Variants in TPST1 observed in about 807,000 individuals in gnomAD.
TPST1 encodes tyrosylprotein sulfotransferase 1, also known as protein-tyrosine sulfotransferase 1.
Under a neutral mutation model 34.8 loss-of-function variants are expected in TPST1, and 20 were observed. The ratio of observed to expected loss-of-function variants is 0.57; its 90% CI spans 0.40 to 0.84. The LOEUF (loss-of-function observed/expected upper bound fraction) is 0.84. Among genes scored for constraint, TPST1 ranks in the 40% least tolerant of loss-of-function variants. The probability of loss-of-function intolerance (pLI) is 0.00; values close to 1 mark genes in which losing one functional copy is unlikely to be tolerated. For synonymous variants in TPST1, 152 were observed against 159.4 expected, an observed-to-expected ratio of 0.95 and a Z score of 0.35; for missense variants, 353 against 455.5, an observed-to-expected ratio of 0.78 and a Z score of 2.05.
intron 3 of TPST1, among the ~76,000 whole-genome samples, chr7:66,351,549 A>G (rs143718664): frequency 6.6e-6 from 1 of 152,216 alleles, no homozygotes; most frequent in East Asian, 1.9e-4. Context: ...ATAGTAATGT[A>G]TCGATATCTG....
chr7:66,206,350 C>A (rs146157996), intron 1 of TPST1, among the ~76,000 whole-genome samples: 1 of 152,088 alleles, frequency 6.6e-6, no homozygotes, highest in South Asian at 2.1e-4. Context: ...ACACAGTAGG[C>A]CTGGCACATG....
In TPST1 at chr7:66,309,221, T is replaced by C. The variant is rs1791482829; in HGVS notation, c.1044+22512T>C. On this transcript the variant is annotated intron_variant, in intron 3 of 5. Coordinates refer to ENST00000304842, the MANE Select transcript of TPST1 (RefSeq NM_003596.4). ...GCTTGAACAACTTTTATTTACAGTA[T>C]ACCAAGGAGGTTCTGGCATCTAAGC... Among the ~76,000 whole-genome samples the C allele has an allele frequency of 2.0e-5, 3 of 152,136 alleles. No individual in the cohort carries two copies. The South Asian group carries it at 6.2e-4, about 31-fold the overall frequency.
chr7:66,282,175 G>C (rs545203363), intron 2 of TPST1, among the ~76,000 whole-genome samples: 1 of 152,266 alleles, frequency 6.6e-6, no homozygotes, highest in South Asian at 2.1e-4. Context: ...GAAGGAATAG[G>C]GGAGATTTAA....
chr7:66,264,156 G>T (rs551650793), intron 2 of TPST1, among the ~76,000 whole-genome samples: 1 of 152,140 alleles, frequency 6.6e-6, no homozygotes, highest in Non-Finnish European at 1.5e-5. Flanking sequence ...TTCTGAGATC[G>T]GGGAGGACAG....
chr7:66,305,046 T>G (rs779887873), intron 3 of TPST1, among the ~76,000 whole-genome samples: 9 of 152,168 alleles, frequency 5.9e-5, no homozygotes, highest in Non-Finnish European at 1.3e-4. Context: ...CTTGAACTCC[T>G]GGCCTCAAGC....
intron 2 of TPST1, among the ~76,000 whole-genome samples, chr7:66,286,145 CTG>C (rs1232637366): frequency 3.3e-5 from 5 of 152,150 alleles, no homozygotes; most frequent in Non-Finnish European, 4.4e-5. Flanking sequence ...ATCCATCAGT[CTG>C]TCTTTTTTTT....
chr7:66,244,866 AAG>A (rs749786943), intron 2 of TPST1, among the ~76,000 whole-genome samples: 8 of 152,212 alleles, frequency 5.3e-5, no homozygotes, highest in Admixed American at 6.5e-5. Context: ...TTAGGGCAGA[AAG>A]AGAATATAGC....
chr7:66,296,676 G>GTTTTTT (rs55888171), intron 3 of TPST1, among the ~76,000 whole-genome samples: 3,604 of 91,836 alleles, frequency 0.039, 93 homozygotes, highest in Non-Finnish European at 0.056. Flanking sequence ...TACTGGGTTG[G>GTTTTTT]TTTTTTTTTT....
chr7:66,211,073 T>C (rs1789233949), intron 1 of TPST1, among the ~76,000 whole-genome samples: 1 of 152,120 alleles, frequency 6.6e-6, no homozygotes, highest in Non-Finnish European at 1.5e-5. Context: ...CATTTACCTA[T>C]TAAAGGAGTT....
intron 1 of TPST1, among the ~76,000 whole-genome samples, chr7:66,212,919 A>G (rs948224722): frequency 1.3e-5 from 2 of 152,130 alleles, no homozygotes; most frequent in Non-Finnish European, 2.9e-5. Flanking sequence ...CTTTTTTCAG[A>G]TAAGAAACCC....
At chr7:66,250,182 A>T (rs1427698297) in intron 2 of TPST1, among the ~76,000 whole-genome samples, 1 of 152,006 alleles carries the variant, frequency 6.6e-6, no homozygotes, top group Non-Finnish European at 1.5e-5. Flanking sequence ...TGTGTGCCTT[A>T]TCTCATTTAG....
At chr7:66,342,809 G>A (rs1336432630) in intron 3 of TPST1, among the ~76,000 whole-genome samples, 1 of 152,160 alleles carries the variant, frequency 6.6e-6, no homozygotes, top group African/African-American at 2.4e-5. Context: ...TCACTCACAA[G>A]TGCAGGGACA....
rs36105944 is a variant in TPST1 at position 66,250,947 on chromosome 7, A to T, written c.845+9677A>T. Among the ~76,000 whole-genome samples the T allele has an allele frequency of 4.2e-3, 647 of 152,340 alleles. 2 individuals carry two copies. Among genetic ancestry groups the T allele is most frequent in the Admixed American group, 7.5e-3 (115 of 15,302 alleles). On this transcript the variant is annotated intron_variant, in intron 2 of 5. Coordinates refer to ENST00000304842, the MANE Select transcript of TPST1 (RefSeq NM_003596.4). ...TGAACAAAGGGATGATTTACATCCC[A>T]GTCTAGACAGAGTGAGACAATGTTA...
chr7:66,218,988 C>A (rs1439095633), intron 1 of TPST1, among the ~76,000 whole-genome samples: 1 of 151,262 alleles, frequency 6.6e-6, no homozygotes, highest in Non-Finnish European at 1.5e-5. Flanking sequence ...TTAAGCAATT[C>A]TTTTGCCTCA....
At chr7:66,217,105 CTAA>C (rs1789438437) in intron 1 of TPST1, among the ~76,000 whole-genome samples, 1 of 152,106 alleles carries the variant, frequency 6.6e-6, no homozygotes, top group African/African-American at 2.4e-5. Flanking sequence ...GTTCGAAAGC[CTAA>C]CACATGGTCT....
At chr7:66,258,995 T>TGAAG (rs1790433809) in intron 2 of TPST1, among the ~76,000 whole-genome samples, 1 of 152,254 alleles carries the variant, frequency 6.6e-6, no homozygotes, top group African/African-American at 2.4e-5. Flanking sequence ...CTTAGTGTTT[T>TGAAG]GAAGATATTA....
At chr7:66,241,387 A>C (rs1009584023) in intron 2 of TPST1, 117 bp downstream of exon 2, 37 of 1,251,552 alleles carry the variant, frequency 3.0e-5, no homozygotes, top group Non-Finnish European at 3.6e-5. Flanking sequence ...TATATATAGA[A>C]ACTGAAGACC....
chr7:66,255,027 G>A (rs1464976102), intron 2 of TPST1, among the ~76,000 whole-genome samples: 1 of 151,312 alleles, frequency 6.6e-6, no homozygotes, highest in East Asian at 2.0e-4. Context: ...GGCGCCTGTA[G>A]TCCCAGCTAC....
chr7:66,272,554 G>T (rs1244180164), intron 2 of TPST1, among the ~76,000 whole-genome samples: 2 of 149,778 alleles, frequency 1.3e-5, no homozygotes, highest in Non-Finnish European at 3.0e-5. Context: ...GCAAGATCAG[G>T]AACAAGACAG....
Sources: gnomAD v4.1 joint callset for allele counts (sites outside exome capture counted in the v4.1 genomes callset) on GRCh38, gnomAD v4.1.1 for gene constraint, MANE v1.5 for transcripts, NCBI Gene and HGNC (gene_info 2026-07-23, HGNC 2026-07-21) for gene names.